The following CDK13 variants were observed in gnomAD, a reference collection of about 807,000 sequenced individuals.
The protein encoded by CDK13 is cyclin dependent kinase 13, also known as cyclin-dependent kinase 13.
In CDK13, 40 loss-of-function variants were observed where a neutral mutation model predicts 137.6. The ratio of observed to expected loss-of-function variants is 0.29; its 90% CI spans 0.23 to 0.38. The LOEUF is 0.38. Ranked by LOEUF, CDK13 falls within the 10% of genes least tolerant of loss-of-function variation. The pLI, the probability that CDK13 is intolerant of heterozygous loss-of-function variation, is 1.00. For synonymous variants in CDK13, 869 were observed against 760.1 expected (o/e 1.14, Z -2.36); for missense variants, 1,704 against 1,951.8 (o/e 0.87, Z 2.39).
At chr7:40,011,502 T>G (rs1055380696) in intron 5 of CDK13, among the ~76,000 whole-genome samples, 1 of 152,224 alleles carries the variant, frequency 6.6e-6, no homozygotes. Flanking sequence ...TAAGCTCAAC[T>G]GATTTTCGAC....
intron 5 of CDK13, among the ~76,000 whole-genome samples, chr7:40,016,496 A>G (rs1016136783): frequency 9.2e-5 from 14 of 152,324 alleles, no homozygotes; most frequent in Non-Finnish European, 1.0e-4. Context: ...TACAGTTACC[A>G]TATAAAACTT....
intron 9 of CDK13, chr7:40,070,420 A>AG (rs1786391813): frequency 6.9e-6 from 1 of 144,442 alleles, no homozygotes. Flanking sequence ...AAAAAAAAAA[A>AG]AAAAAAAAGT....
chr7:40,075,494 A>G (rs571905419), intron 9 of CDK13, among the ~76,000 whole-genome samples: 34 of 151,296 alleles, frequency 2.2e-4, no homozygotes, highest in South Asian at 2.1e-4. Context: ...AATTTTATTG[A>G]AATAAAATTT....
At chr7:39,991,565 GCTTTTGCTGTTTTATTATATGTCCAA>G (rs1035348276) in intron 2 of CDK13, among the ~76,000 whole-genome samples, 1 of 150,236 alleles carries the variant, frequency 6.7e-6, no homozygotes, top group Non-Finnish European at 1.5e-5. Context: ...TACTCCACTT[GCTTTTGCTGTTTTATTATATGTCCAA>G]GTAAATTCTC....
rs566702696 is a variant in CDK13, at chr7:40,097,409, T to C, written c.*2429T>C. On this transcript the variant is annotated 3_prime_UTR_variant, in exon 14 of 14. Transcript: ENST00000181839. ...ACATATTATATGAAAATATGTCTTA[T>C]AATTGATGAAATATGATAGTAAAAA... The C allele has an allele frequency of 2.2e-4, 33 of 152,248 alleles. No homozygotes were observed. The highest frequency in any genetic ancestry group is 7.0e-4 in the African/African-American group (29 of 41,570). 9.4% of individuals were successfully genotyped at this position (152,248 alleles called of 1,614,324 possible).
intron 11 of CDK13, among the ~76,000 whole-genome samples, chr7:40,084,802 T>A (rs1035705982): frequency 6.6e-5 from 10 of 152,116 alleles, no homozygotes; most frequent in Admixed American, 2.6e-4. Context: ...TACTACCCCA[T>A]GAGGTAGATA....
At chr7:40,067,623 T>C (rs1786309127) in intron 9 of CDK13, 1 of 151,978 alleles carries the variant, frequency 6.6e-6, no homozygotes, top group Admixed American at 6.6e-5. Context: ...GACACACATA[T>C]CGGTACTTGA....
At chr7:40,006,680 G>C (rs925211748) in intron 5 of CDK13, among the ~76,000 whole-genome samples, 1 of 152,140 alleles carries the variant, frequency 6.6e-6, no homozygotes, top group South Asian at 2.1e-4. Context: ...TACTATGGAG[G>C]CTGAGGCAGG....
intron 5 of CDK13, among the ~76,000 whole-genome samples, chr7:40,026,532 T>C (rs1358747566): frequency 6.6e-6 from 1 of 152,146 alleles, no homozygotes; most frequent in African/African-American, 2.4e-5. Flanking sequence ...TAAATAACAA[T>C]CTACCATTTA....
Position 39,950,981 on chromosome 7 carries a change from G to C in CDK13, c.340G>C (p.Glu114Gln). 7.6e-7 allele frequency: 1 copy of C among 1,315,038 alleles called. No homozygotes were observed. Among genetic ancestry groups the C allele is most frequent in the Non-Finnish European group, 9.6e-7 (1 of 1,037,162 alleles). 81.5% of individuals were successfully genotyped at this position (1,315,038 alleles called of 1,614,324 possible). A position where few individuals can be genotyped will look rare whatever the true frequency, so the allele number is the denominator to read the frequency against. Residue 114 changes from glutamate (E) to glutamine (Q), a missense_variant, in exon 1 of 14, where the codon GAG (glutamate) becomes CAG (glutamine). Glu to Gln is a conservative substitution (Grantham distance 29). Coordinates refer to ENST00000181839, the MANE Select transcript of CDK13 (RefSeq NM_003718.5). ...GCGTCGCGGGCCCCGCGCCGGGCAG[G>C]AGGCGGAGAAGCGTCGGGTCTTCTC... ...KRRRGPRAGQEAEKRRVFSLP... is the reference protein window; with the variant it reads ...KRRRGPRAGQQAEKRRVFSLP...
chr7:39,950,725 G>A lies in CDK13; in HGVS notation c.84G>A (p.Arg28=). ...AGAAGTTGGAGGAACGCCGCAAGCG[G>A]AGGCGATTCCTGTCCCCTCAGCAGC... is the stretch of plus-strand genomic sequence containing the variant. The part of the protein sequence containing the change: ...AEKKLEERRK[R]RRFLSPQQPP... The change falls in exon 1 of 14, where the codon CGG becomes CGA. Residue 28 remains arginine (R), a synonymous_variant. Coordinates refer to ENST00000181839, the MANE Select transcript of CDK13 (RefSeq NM_003718.5). The A allele has an allele frequency of 1.4e-6, 2 of 1,465,440 alleles. No homozygotes were observed. The highest frequency in any genetic ancestry group is 1.3e-5 in the South Asian group (1 of 76,276). The allele number at this position is 1,465,440 out of a possible 1,614,324, so 90.8% of individuals were successfully genotyped here.
At chr7:40,066,265 C>A (rs572141865) in intron 9 of CDK13, among the ~76,000 whole-genome samples, 1 of 152,280 alleles carries the variant, frequency 6.6e-6, no homozygotes, top group East Asian at 1.9e-4. Context: ...TTTTAGAAAC[C>A]AGTACTTGTA....
intron 4 of CDK13, among the ~76,000 whole-genome samples, chr7:40,000,685 G>T (rs1222688929): frequency 6.6e-6 from 1 of 152,186 alleles, no homozygotes; most frequent in East Asian, 1.9e-4. Flanking sequence ...TTATCAAAAA[G>T]ATTAAATGAC....
intron 1 of CDK13, among the ~76,000 whole-genome samples, chr7:39,977,352 T>A (rs2116218227): frequency 6.6e-6 from 1 of 152,320 alleles, no homozygotes; most frequent in Middle Eastern, 3.4e-3. Context: ...ATTGTGTAAA[T>A]ATTTATTGAG....
intron 7 of CDK13, chr7:40,062,139 A>G (rs925853344): frequency 2.6e-5 from 4 of 152,196 alleles, no homozygotes; most frequent in Non-Finnish European, 4.4e-5. Flanking sequence ...GTCATCCATT[A>G]GTAATTTAGC....
intron 4 of CDK13, among the ~76,000 whole-genome samples, chr7:40,001,450 C>T (rs1027690484): frequency 1.3e-5 from 2 of 152,024 alleles, no homozygotes; most frequent in African/African-American, 4.8e-5. Context: ...CTCCTGACCT[C>T]GTGATCTGCC....
chr7:40,092,688 A>G (rs1172031551), intron 12 of CDK13, 97 bp from the exon 13 acceptor site: 4 of 788,540 alleles, frequency 5.1e-6, no homozygotes. Flanking sequence ...TCTCCCTCAA[A>G]TATATATTTT....
chr7:39,982,824 T>C (rs1784257954), intron 1 of CDK13, among the ~76,000 whole-genome samples: 1 of 152,182 alleles, frequency 6.6e-6, no homozygotes, highest in African/African-American at 2.4e-5. Context: ...CTTTTGAGAA[T>C]TGTCTGTTCA....
At position 39,999,445 on chromosome 7, in the gene CDK13, A is replaced by T; in HGVS notation, c.2127A>T (p.Gly709=). The change falls in exon 4 of 14, where the codon GGA becomes GGT. Residue 709 remains glycine (G), a synonymous_variant. Coordinates refer to ENST00000181839, the MANE Select transcript of CDK13 (RefSeq NM_003718.5). ...KRCVDKFDII[G]IIGEGTYGQV... ...GCGTGGATAAATTTGATATCATCGGAATTATTGGAGAAGGTACTTACGGAC... is the reference window on the plus strand; with the variant it reads ...GCGTGGATAAATTTGATATCATCGGTATTATTGGAGAAGGTACTTACGGAC... 6.2e-7 allele frequency: 1 copy of T among 1,612,976 alleles called. No homozygotes were observed. The highest frequency in any genetic ancestry group is 8.5e-7 in the Non-Finnish European group (1 of 1,179,320).
Sources: allele counts gnomAD v4.1 joint callset (sites outside exome capture counted in the v4.1 genomes callset), GRCh38; gene constraint gnomAD v4.1.1; transcripts MANE v1.5; gene names NCBI Gene and HGNC (gene_info 2026-07-23, HGNC 2026-07-21).